Variants in PRKCB observed in about 807,000 individuals in gnomAD.
PRKCB encodes protein kinase C beta type.
In PRKCB, 13 loss-of-function variants were observed where a neutral mutation model predicts 81.5. The ratio of observed to expected loss-of-function variants is 0.16; its 90% CI spans 0.10 to 0.25. PRKCB has a LOEUF of 0.25. Ranked by LOEUF, PRKCB falls within the 10% of genes least tolerant of loss-of-function variation. PRKCB has a pLI of 1.00. For missense variants in PRKCB, 509 were observed against 875.7 expected (o/e 0.58, Z 5.29); for synonymous variants, 335 against 321.4 (o/e 1.04, Z -0.45).
rs537988442 is a variant in PRKCB, at chr16:23,942,363, G to T, written c.206-46145G>T. Reference sequence around the variant, plus strand: ...CGTTGGAGCATACCAAAGTGATAGAGCGTGGGCATAATATGTTTCAGGCAA... The same window carrying T: ...CGTTGGAGCATACCAAAGTGATAGATCGTGGGCATAATATGTTTCAGGCAA... On this transcript the variant is annotated intron_variant, in intron 2 of 16. Coordinates refer to ENST00000643927, the MANE Select transcript of PRKCB (RefSeq NM_002738.7). Among the ~76,000 whole-genome samples the T allele has an allele frequency of 3.3e-5, 5 of 152,352 alleles. No homozygotes were observed. In the South Asian group the frequency reaches 1.0e-3, roughly 32 times the overall value.
intron 2 of PRKCB, among the ~76,000 whole-genome samples, chr16:23,919,985 G>A (rs72777985): frequency 0.014 from 2,114 of 152,180 alleles, 41 homozygotes; most frequent in Non-Finnish European, 0.018. Context: ...TCTCTTCAAG[G>A]CCCTGTTTTC....
intron 2 of PRKCB, among the ~76,000 whole-genome samples, chr16:23,968,849 T>C (rs1697400013): frequency 6.6e-6 from 1 of 152,190 alleles, no homozygotes; most frequent in South Asian, 2.1e-4. Context: ...TACTCATAAA[T>C]GCTGAGATTC....
At chr16:23,854,554 A>T (rs11647116) in intron 2 of PRKCB, among the ~76,000 whole-genome samples, 1 of 151,792 alleles carries the variant, frequency 6.6e-6, no homozygotes, top group Non-Finnish European at 1.5e-5. Context: ...CCAGTGGGCT[A>T]TCCTGAGCAT....
intron 2 of PRKCB, among the ~76,000 whole-genome samples, chr16:23,876,594 T>A (rs150134844): frequency 2.1e-5 from 3 of 142,608 alleles, no homozygotes; most frequent in Non-Finnish European, 4.6e-5. Flanking sequence ...AAAAAAAAAA[T>A]GACATTTGCG....
intron 2 of PRKCB, among the ~76,000 whole-genome samples, chr16:23,896,939 T>C (rs1344882530): frequency 6.6e-6 from 1 of 151,304 alleles, no homozygotes; most frequent in African/African-American, 2.4e-5. Context: ...CATCCATCCA[T>C]TCATCCATCC....
At chr16:24,025,503 C>CA (rs1447109249) in intron 3 of PRKCB, among the ~76,000 whole-genome samples, 1 of 152,126 alleles carries the variant, frequency 6.6e-6, no homozygotes, top group Non-Finnish European at 1.5e-5. Flanking sequence ...TTCTGTATGC[C>CA]AAGTACAGTT....
At chr16:23,877,392 G>T (rs185221888) in intron 2 of PRKCB, among the ~76,000 whole-genome samples, 208 of 152,256 alleles carry the variant, frequency 1.4e-3, no homozygotes, top group African/African-American at 4.8e-3. Flanking sequence ...TCTTAAAAAG[G>T]TGCTAAGTCT....
intron 9 of PRKCB, among the ~76,000 whole-genome samples, chr16:24,129,520 CATCTATCT>C (rs138115366): frequency 0.038 from 5,717 of 151,260 alleles, 362 homozygotes; most frequent in African/African-American, 0.13. Context: ...CATGCACGTG[CATCTATCT>C]ATCTATCTAT....
chr16:23,907,086 T>C (rs1489013870), intron 2 of PRKCB, among the ~76,000 whole-genome samples: 1 of 152,290 alleles, frequency 6.6e-6, no homozygotes, highest in African/African-American at 2.4e-5. Flanking sequence ...GGGGGTGGAA[T>C]AGGTCTTTGT....
At chr16:23,921,645 A>G (rs1963826830) in intron 2 of PRKCB, among the ~76,000 whole-genome samples, 1 of 152,094 alleles carries the variant, frequency 6.6e-6, no homozygotes, top group Admixed American at 6.6e-5. Context: ...TACTAAAAAT[A>G]CAAAAGTTAG....
At chr16:23,935,628 C>T (rs768105587) in intron 2 of PRKCB, among the ~76,000 whole-genome samples, 4 of 152,118 alleles carry the variant, frequency 2.6e-5, no homozygotes, top group African/African-American at 9.7e-5. Flanking sequence ...CAAAATGCTG[C>T]ACTATTCACA....
chr16:23,839,774 C>T (rs1036457547), intron 2 of PRKCB, among the ~76,000 whole-genome samples: 2 of 152,152 alleles, frequency 1.3e-5, no homozygotes, highest in Non-Finnish European at 2.9e-5. Context: ...AGTAACAGTA[C>T]CATAGTGTGG....
chr16:23,862,666 C>G (rs1253777733), intron 2 of PRKCB, among the ~76,000 whole-genome samples: 1 of 152,056 alleles, frequency 6.6e-6, no homozygotes, highest in East Asian at 1.9e-4. Flanking sequence ...GCTTGCTTGC[C>G]CATAACAGAA....
At chr16:24,059,220 C>T (rs1384484860) in intron 5 of PRKCB, among the ~76,000 whole-genome samples, 3 of 152,112 alleles carry the variant, frequency 2.0e-5, no homozygotes, top group East Asian at 1.9e-4. Context: ...CAGGGGTCAC[C>T]GGCCCTAACA....
At chr16:23,953,778 G>GGAA (rs1427753607) in intron 2 of PRKCB, among the ~76,000 whole-genome samples, 1 of 152,098 alleles carries the variant, frequency 6.6e-6, no homozygotes, top group African/African-American at 2.4e-5. Flanking sequence ...TTACAACAGT[G>GGAA]GAAGTATGGC....
intron 16 of PRKCB, among the ~76,000 whole-genome samples, chr16:24,211,554 T>C (rs1195137893): frequency 6.7e-6 from 1 of 149,142 alleles, no homozygotes; most frequent in African/African-American, 2.5e-5. Flanking sequence ...GTCTACAGAC[T>C]CACTTTTTTT....
chr16:23,973,968 G>T (rs1410047767), intron 2 of PRKCB, among the ~76,000 whole-genome samples: 2 of 152,196 alleles, frequency 1.3e-5, no homozygotes, highest in Non-Finnish European at 2.9e-5. Flanking sequence ...ACTCTGACCA[G>T]CTGGAAATGA....
At chr16:24,096,663 AAAAATATATAT>A (rs1398277414) in intron 7 of PRKCB, among the ~76,000 whole-genome samples, 1,867 of 49,650 alleles carry the variant, frequency 0.038, 116 homozygotes, top group African/African-American at 0.11. Context: ...AAAAAAAAAA[AAAAATATATAT>A]ATATATATAT....
chr16:24,190,296 GC>G (rs1967770122), intron 15 of PRKCB, among the ~76,000 whole-genome samples: 1 of 152,116 alleles, frequency 6.6e-6, no homozygotes, highest in Non-Finnish European at 1.5e-5. Flanking sequence ...TTTTGCAAGT[GC>G]TTTACTGAGA....
Sources: allele counts gnomAD v4.1 joint callset (sites outside exome capture counted in the v4.1 genomes callset), GRCh38; gene constraint gnomAD v4.1.1; transcripts MANE v1.5; gene names NCBI Gene and HGNC (gene_info 2026-07-23, HGNC 2026-07-21).